SLC9C1: variants seen among roughly 807,000 people sequenced by gnomAD.
SLC9C1 encodes solute carrier family 9 member C1.
Under a neutral mutation model 140.9 loss-of-function variants are expected in SLC9C1, and 97 were observed. That is an observed-to-expected ratio of 0.69 (90% CI 0.58 to 0.82). SLC9C1 has a LOEUF of 0.82. Ranked by LOEUF, SLC9C1 falls within the 40% of genes least tolerant of loss-of-function variation. SLC9C1 has a pLI of 0.00. For missense variants in SLC9C1, 1,340 were observed against 1,389.3 expected (o/e 0.96, Z 0.56); for synonymous variants, 440 against 442.6 (o/e 0.99, Z 0.07).
At chr3:112,222,560 A>G (rs1177754629) in intron 13 of SLC9C1, among the ~76,000 whole-genome samples, 3 of 152,178 alleles carry the variant, frequency 2.0e-5, no homozygotes, top group Non-Finnish European at 2.9e-5. Flanking sequence ...TCACAAGCGA[A>G]AAAGAGGTTA....
At chr3:112,251,843 A>G (rs550665952) in intron 10 of SLC9C1, among the ~76,000 whole-genome samples, 1 of 152,198 alleles carries the variant, frequency 6.6e-6, no homozygotes, top group African/African-American at 2.4e-5. Context: ...GATTCTGGGT[A>G]TCCATGCTTC....
At chr3:112,192,576 T>C (rs987324395) in intron 20 of SLC9C1, among the ~76,000 whole-genome samples, 2 of 152,142 alleles carry the variant, frequency 1.3e-5, no homozygotes, top group African/African-American at 4.8e-5. Context: ...TTCTTTTTGG[T>C]CTGCCTGAGT....
intron 13 of SLC9C1, among the ~76,000 whole-genome samples, chr3:112,229,296 T>C (rs558106360): frequency 8.5e-5 from 13 of 152,206 alleles, no homozygotes; most frequent in African/African-American, 3.1e-4. Context: ...CACTAATCTA[T>C]TGTATTTTTT....
At chr3:112,167,888 T>C (rs1316641975) in intron 25 of SLC9C1, among the ~76,000 whole-genome samples, 1 of 152,100 alleles carries the variant, frequency 6.6e-6, no homozygotes, top group East Asian at 1.9e-4. Context: ...ACCAAATCTC[T>C]GTTACATGTT....
At chr3:112,164,773 G>T (rs1275835808) in intron 26 of SLC9C1, among the ~76,000 whole-genome samples, 3 of 152,032 alleles carry the variant, frequency 2.0e-5, no homozygotes, top group Admixed American at 2.0e-4. Flanking sequence ...TTCTTGAGGA[G>T]TATCTTTGTG....
chr3:112,220,083 GACAA>G (rs2078499240), intron 14 of SLC9C1, among the ~76,000 whole-genome samples: 1 of 151,966 alleles, frequency 6.6e-6, no homozygotes, highest in East Asian at 1.9e-4. Context: ...GGATCAAAAG[GACAA>G]ACAGAGACCC....
At chr3:112,189,539 T>C (rs2077608344) in intron 20 of SLC9C1, among the ~76,000 whole-genome samples, 1 of 152,210 alleles carries the variant, frequency 6.6e-6, no homozygotes, top group African/African-American at 2.4e-5. Context: ...CAGATGGTTG[T>C]AGATGTGTAG....
intron 10 of SLC9C1, among the ~76,000 whole-genome samples, chr3:112,258,408 GT>G (rs61291726): frequency 0.3 from 44,964 of 151,586 alleles, 7,206 homozygotes; most frequent in East Asian, 0.43. Context: ...GGGTTTTTTT[GT>G]TTGTTTGTTT....
At chr3:112,240,478 G>A (rs2079111901) in intron 11 of SLC9C1, among the ~76,000 whole-genome samples, 2 of 152,220 alleles carry the variant, frequency 1.3e-5, no homozygotes, top group African/African-American at 2.4e-5. Flanking sequence ...GGTAGACTGA[G>A]TAAAGTACAT....
chr3:112,162,518 A>C (rs894968997), intron 26 of SLC9C1, among the ~76,000 whole-genome samples: 8 of 152,174 alleles, frequency 5.3e-5, no homozygotes, highest in African/African-American at 1.9e-4. Flanking sequence ...TTCTGCATCT[A>C]TTGAGATAAT....
intron 23 of SLC9C1, among the ~76,000 whole-genome samples, chr3:112,171,506 T>C (rs999614125): frequency 1.7e-4 from 26 of 152,248 alleles, no homozygotes; most frequent in African/African-American, 6.3e-4. Flanking sequence ...GATTCTATTA[T>C]CAAATCCTTT....
chr3:112,264,434 T>C (rs1000084980), intron 8 of SLC9C1, 91 bp from the exon 9 acceptor site: 58 of 701,874 alleles, frequency 8.3e-5, no homozygotes, highest in Admixed American at 1.4e-4. Context: ...ATTGTGCTAA[T>C]GATTACCAAA....
rs2077520251 is a variant in SLC9C1, at chr3:112,185,611, T to A, written c.2524-3353A>T. The stretch of plus-strand genomic sequence containing the variant: ...CCCAGGGCTCGCCCGAAGCCCTCTC[T>A]CCCAAGGGGCAGGCTCCTGACCCGG... On this transcript the variant is annotated intron_variant, in intron 20 of 28. Coordinates refer to ENST00000305815, the MANE Select transcript of SLC9C1 (RefSeq NM_183061.3). 13 of 1,593,778 alleles carry A rather than the reference T, an allele frequency of 8.2e-6. No homozygotes were observed. In the South Asian group the frequency reaches 1.2e-4, roughly 15 times the overall value.
intron 20 of SLC9C1, among the ~76,000 whole-genome samples, chr3:112,195,273 A>G (rs894326016): frequency 6.6e-6 from 1 of 152,124 alleles, no homozygotes; most frequent in Non-Finnish European, 1.5e-5. Flanking sequence ...CATAAAGGTC[A>G]TGGGTCTATT....
At position 112,231,579 on chromosome 3, in the gene SLC9C1, T is replaced by G. The variant is rs1040465042; in HGVS notation, c.1447-93A>C. On this transcript the variant is annotated intron_variant, in intron 12 of 28. Coordinates refer to ENST00000305815, the MANE Select transcript of SLC9C1 (RefSeq NM_183061.3). ...AAGCAATTTTTGTACCAGTTTGCAT[T>G]GAAAAATGGTAGCAAATCTGGTAGA... is the stretch of plus-strand genomic sequence containing the variant. The G allele has an allele frequency of 5.6e-6, 7 of 1,250,880 alleles. No homozygotes were observed. In the African/African-American group the frequency reaches 9.1e-5, roughly 16 times the overall value. The allele number at this position is 1,250,880 out of a possible 1,614,324, so 77.5% of individuals were successfully genotyped here. A position where few individuals can be genotyped will look rare whatever the true frequency, so the allele number is the denominator to read the frequency against.
intron 23 of SLC9C1, among the ~76,000 whole-genome samples, chr3:112,176,905 C>T (rs1453170832): frequency 6.6e-6 from 1 of 151,272 alleles, no homozygotes; most frequent in African/African-American, 2.4e-5. Flanking sequence ...AAGGCCTATT[C>T]TTTCTGGTCT....
At chr3:112,203,194 T>C (rs2108040959) in intron 17 of SLC9C1, among the ~76,000 whole-genome samples, 1 of 152,166 alleles carries the variant, frequency 6.6e-6, no homozygotes, top group Admixed American at 6.6e-5. Context: ...TAATTCATCT[T>C]CATATTCCAA....
rs535781248 is a variant in SLC9C1 at position 112,294,148 on chromosome 3, G to C, written c.-143C>G. 6.6e-6 allele frequency: 1 copy of C among 152,420 alleles called. No individual in the cohort carries two copies. Among genetic ancestry groups the C allele is most frequent in the East Asian group, 1.9e-4 (1 of 5,182 alleles). 9.4% of individuals were successfully genotyped at this position (152,420 alleles called of 1,614,324 possible). ...GTGTGCAAGTGAGAAGTGGGGGGCA[G>C]CTATTTCGCTCACAGCCAAACAGCC... On this transcript the variant is annotated 5_prime_UTR_variant, in exon 1 of 29. Transcript: ENST00000305815.
intron 28 of SLC9C1, among the ~76,000 whole-genome samples, chr3:112,150,373 G>A (rs971535412): frequency 6.6e-5 from 10 of 152,120 alleles, no homozygotes; most frequent in African/African-American, 7.2e-5. Flanking sequence ...TGGGTTGCAT[G>A]GCTCTCCAGT....
Sources: allele counts gnomAD v4.1 joint callset (sites outside exome capture counted in the v4.1 genomes callset), GRCh38; gene constraint gnomAD v4.1.1; transcripts MANE v1.5; gene names NCBI Gene and HGNC (gene_info 2026-07-23, HGNC 2026-07-21).